The following PDE4D variants were observed in gnomAD, a reference collection of about 807,000 sequenced individuals.
PDE4D encodes 3',5'-cyclic-AMP phosphodiesterase 4D.
In PDE4D, 24 loss-of-function variants were observed where a neutral mutation model predicts 87.4. The observed-to-expected ratio is 0.27, with a 90% CI of 0.20 to 0.39. PDE4D has a LOEUF of 0.39. Ranked by LOEUF, PDE4D falls within the 10% of genes least tolerant of loss-of-function variation. PDE4D has a pLI of 1.00. For missense variants in PDE4D, 714 were observed against 1,041.0 expected, an observed-to-expected ratio of 0.69 and a Z score of 4.32; for synonymous variants, 384 against 383.2, an observed-to-expected ratio of 1.00 and a Z score of -0.02.
intron 8 of PDE4D, among the ~76,000 whole-genome samples, chr5:58,991,297 C>G (rs1747864337): frequency 1.4e-5 from 2 of 143,644 alleles, no homozygotes; most frequent in Admixed American, 1.4e-4. Context: ...TCAAAACAAA[C>G]AAAACAAAAC....
rs1236617747 is a variant in PDE4D at position 59,215,777 on chromosome 5, A to G, written c.647T>C (p.Ile216Thr). 2 of 1,613,066 alleles carry G rather than the reference A, an allele frequency of 1.2e-6. No individual in the cohort carries two copies. The highest frequency in any genetic ancestry group is 1.3e-5 in the African/African-American group (1 of 74,894). Residue 216 changes from isoleucine (I) to threonine (T), a missense_variant and splice_region_variant, in exon 2 of 15, where the codon ATA (isoleucine) becomes ACA (threonine). Ile to Thr is a moderately conservative substitution (Grantham distance 89). This residue lies in a region of PDE4D where 90 missense variants were observed against 177.6 expected (regional missense o/e 0.51). Transcript: ENST00000340635. Reference sequence around the variant, plus strand: ...TCTCTTTGCCTGCCCTTGTACTTACATATCACTGGCAATGGAGGAGTTCCG... The same window carrying G: ...TCTCTTTGCCTGCCCTTGTACTTACGTATCACTGGCAATGGAGGAGTTCCG... ...MSRNSSIASD[I>T]HGDDLIVTPF...
At chr5:59,343,960 C>A (rs1779204328) in intron 1 of PDE4D, among the ~76,000 whole-genome samples, 1 of 151,974 alleles carries the variant, frequency 6.6e-6, no homozygotes. Context: ...TGCAACCTAA[C>A]AAAATGTTGT....
rs141700091 is a variant in PDE4D at position 59,693,126 on chromosome 5, A to T, written c.455+200042T>A. ...GAATGATGTAAATATACTCTAGAAG[A>T]CCCTGAAATTGTATATGTTTTCAAG... On this transcript the variant is annotated intron_variant, in intron 1 of 14. Coordinates refer to ENST00000340635, the MANE Select transcript of PDE4D (RefSeq NM_001104631.2). Among the ~76,000 whole-genome samples the T allele has an allele frequency of 7.2e-3, 1,044 of 145,926 alleles. 11 individuals are homozygous for T. The highest frequency in any genetic ancestry group is 0.033 in the East Asian group (170 of 5,078).
chr5:60,417,903 A>G (rs981383804), intron 1 of PDE4D, among the ~76,000 whole-genome samples: 1 of 152,136 alleles, frequency 6.6e-6, no homozygotes. Context: ...AGAGGGAAAA[A>G]AAAAACACTC....
chr5:59,005,236 G>C (rs1391982042), intron 6 of PDE4D, among the ~76,000 whole-genome samples: 1 of 152,312 alleles, frequency 6.6e-6, no homozygotes, highest in African/African-American at 2.4e-5. Context: ...CCTGCTGAAT[G>C]TGAGTGATGG....
intron 2 of PDE4D, among the ~76,000 whole-genome samples, chr5:60,109,871 G>A (rs1304925272): frequency 2.0e-5 from 3 of 151,430 alleles, no homozygotes; most frequent in African/African-American, 4.9e-5. Flanking sequence ...TGAGGTGAGG[G>A]GACGGGGGAG....
At position 59,238,777 on chromosome 5, in the gene PDE4D, G is replaced by A. The variant is rs561168468; in HGVS notation, c.456-22809C>T. On this transcript the variant is annotated intron_variant, in intron 1 of 14. Coordinates refer to ENST00000340635, the MANE Select transcript of PDE4D (RefSeq NM_001104631.2). ...TAACAAAACCTACACTACCTATAAT[G>A]TCAAAACATCAAGCAAGATGTAACA... Among the ~76,000 whole-genome samples, 6 of 152,204 alleles carry A rather than the reference G, an allele frequency of 3.9e-5. No individual in the cohort carries two copies. In the South Asian group the frequency reaches 1.2e-3, roughly 32 times the overall value.
intron 2 of PDE4D, among the ~76,000 whole-genome samples, chr5:60,031,223 C>A (rs2152859816): frequency 6.6e-6 from 1 of 152,300 alleles, no homozygotes; most frequent in South Asian, 2.1e-4. Flanking sequence ...TAAAGAAACC[C>A]TGATTTAGTC....
chr5:59,407,082 C>T lies in PDE4D; in HGVS notation c.456-191114G>A, dbSNP rs59536985. Among the ~76,000 whole-genome samples, 1,355 of 152,214 alleles carry T rather than the reference C, an allele frequency of 8.9e-3. 26 individuals are homozygous for T. Among genetic ancestry groups the T allele is most frequent in the African/African-American group, 0.031 (1,298 of 41,540 alleles). ...TATAGGGTGGTGTTCCTTGAATGTC[C>T]CCTCCAATTCTCATGTTGAGATGTA... On this transcript the variant is annotated intron_variant, in intron 1 of 14. Transcript: ENST00000340635.
chr5:59,209,257 C>A (rs1459328653), intron 2 of PDE4D, among the ~76,000 whole-genome samples: 4 of 152,056 alleles, frequency 2.6e-5, no homozygotes, highest in Non-Finnish European at 5.9e-5. Context: ...TCAATCGTGG[C>A]TCACTACAAC....
At chr5:60,515,060 A>G (rs1264006792) in intron 1 of PDE4D, among the ~76,000 whole-genome samples, 2 of 152,184 alleles carry the variant, frequency 1.3e-5, no homozygotes. Flanking sequence ...AATTTGCAAC[A>G]GCATCAAAAA....
chr5:59,726,421 A>C (rs966624576), intron 1 of PDE4D, among the ~76,000 whole-genome samples: 2 of 152,052 alleles, frequency 1.3e-5, no homozygotes, highest in Non-Finnish European at 2.9e-5. Context: ...TGATGAGATC[A>C]TGAGGGTGGG....
chr5:59,803,794 C>T (rs1209203904), intron 1 of PDE4D, among the ~76,000 whole-genome samples: 1 of 152,166 alleles, frequency 6.6e-6, no homozygotes, highest in Non-Finnish European at 1.5e-5. Context: ...CAGACAAGGT[C>T]ACGTGGGCTA....
chr5:59,297,121 A>G (rs1228040176), intron 1 of PDE4D, among the ~76,000 whole-genome samples: 2 of 152,170 alleles, frequency 1.3e-5, no homozygotes, highest in East Asian at 1.9e-4. Context: ...TTGCAGAAGA[A>G]TTAAGGGCTA....
intron 1 of PDE4D, among the ~76,000 whole-genome samples, chr5:59,889,186 C>T (rs2152751948): frequency 6.7e-6 from 1 of 148,384 alleles, no homozygotes; most frequent in South Asian, 2.1e-4. Flanking sequence ...CAAGATTGTG[C>T]CACTGCACAC....
chr5:59,650,721 T>C (rs1250703213), intron 1 of PDE4D, among the ~76,000 whole-genome samples: 1 of 152,200 alleles, frequency 6.6e-6, no homozygotes, highest in Non-Finnish European at 1.5e-5. Flanking sequence ...AGCAGCTTGA[T>C]AAAAGATCAC....
intron 1 of PDE4D, among the ~76,000 whole-genome samples, chr5:59,521,190 C>A (rs1158974681): frequency 2.6e-5 from 4 of 151,710 alleles, no homozygotes; most frequent in Non-Finnish European, 4.4e-5. Flanking sequence ...GAGAATGATG[C>A]ACCACTGAGA....
intron 1 of PDE4D, among the ~76,000 whole-genome samples, chr5:59,804,765 G>A (rs992874623): frequency 1.3e-5 from 2 of 152,088 alleles, no homozygotes; most frequent in African/African-American, 2.4e-5. Flanking sequence ...TATTCTGGGT[G>A]TGCCAATAGC....
intron 1 of PDE4D, among the ~76,000 whole-genome samples, chr5:59,592,963 A>T (rs909083159): frequency 2.0e-5 from 3 of 151,880 alleles, no homozygotes; most frequent in African/African-American, 7.2e-5. Flanking sequence ...GATTATTATA[A>T]TTTTAACTTA....
Sources: gnomAD v4.1 joint callset for allele counts (sites outside exome capture counted in the v4.1 genomes callset) on GRCh38, gnomAD v4.1.1 for gene constraint, gnomAD v4.1.1 regional missense constraint, MANE v1.5 for transcripts, NCBI Gene and HGNC (gene_info 2026-07-23, HGNC 2026-07-21) for gene names.